ADGRB3: variants seen among roughly 807,000 people sequenced by gnomAD.
The protein encoded by ADGRB3 is brain-specific angiogenesis inhibitor 3.
Under a neutral mutation model 193.4 loss-of-function variants are expected in ADGRB3, and 37 were observed. The observed-to-expected ratio is 0.19, with a 90% confidence interval of 0.15 to 0.25. ADGRB3 has a LOEUF of 0.25. Among genes scored for constraint, ADGRB3 ranks in the 10% least tolerant of loss-of-function variants. The pLI is 1.00. For missense variants in ADGRB3, 1,637 were observed against 1,852.9 expected (o/e 0.88, Z 2.14); for synonymous variants, 690 against 644.2 (o/e 1.07, Z -1.08).
intron 22 of ADGRB3, among the ~76,000 whole-genome samples, chr6:69,328,304 T>C (rs571263607): frequency 6.6e-6 from 1 of 152,156 alleles, no homozygotes; most frequent in African/African-American, 2.4e-5. Flanking sequence ...GTTTTCTTGC[T>C]ATGTTAGGGT....
intron 20 of ADGRB3, among the ~76,000 whole-genome samples, chr6:69,258,941 A>G (rs927175076): frequency 6.6e-6 from 1 of 152,226 alleles, no homozygotes. Flanking sequence ...AGAAAGCTAG[A>G]TAAGAAATAG....
chr6:68,686,648 C>T (rs1286965662), intron 3 of ADGRB3, among the ~76,000 whole-genome samples: 1 of 152,124 alleles, frequency 6.6e-6, no homozygotes, highest in Admixed American at 6.5e-5. Context: ...TAAGCTGAAC[C>T]AACTGAGATA....
chr6:68,921,393 A>G (rs993947807), intron 3 of ADGRB3, among the ~76,000 whole-genome samples: 1 of 152,228 alleles, frequency 6.6e-6, no homozygotes, highest in Non-Finnish European at 1.5e-5. Flanking sequence ...TGAAAAGCAC[A>G]AATCAGAATG....
chr6:69,358,520 A>G (rs1040795373), intron 28 of ADGRB3, among the ~76,000 whole-genome samples: 4 of 151,662 alleles, frequency 2.6e-5, no homozygotes, highest in Non-Finnish European at 4.4e-5. Context: ...TAATGTTTTC[A>G]TTTGTTATTG....
intron 16 of ADGRB3, among the ~76,000 whole-genome samples, chr6:69,070,109 A>G (rs1772038368): frequency 6.6e-6 from 1 of 152,178 alleles, no homozygotes; most frequent in Admixed American, 6.5e-5. Flanking sequence ...TCAAATAATT[A>G]TGATGAAGTC....
At chr6:68,774,948 G>C (rs997273796) in intron 3 of ADGRB3, among the ~76,000 whole-genome samples, 5 of 152,030 alleles carry the variant, frequency 3.3e-5, no homozygotes, top group African/African-American at 1.2e-4. Flanking sequence ...GGTTTTGGAA[G>C]GAGGAGTTCT....
chr6:69,155,330 G>A lies in ADGRB3; in HGVS notation c.2481-77960G>A, dbSNP rs146736685. 2.6e-3 allele frequency among the ~76,000 whole-genome samples: 397 copies of A among 152,164 alleles called. 2 individuals carry two copies. Among genetic ancestry groups the A allele is most frequent in the African/African-American group, 9.1e-3 (379 of 41,506 alleles). On this transcript the variant is annotated intron_variant, in intron 17 of 31. Coordinates refer to ENST00000370598, the MANE Select transcript of ADGRB3 (RefSeq NM_001704.3). ...GATAAACATCTACATCTACATTTTG[G>A]TATAGGCCACCCAAAAGGTTTTGTG...
chr6:69,303,087 A>G (rs1477075784), intron 20 of ADGRB3, among the ~76,000 whole-genome samples: 1 of 151,990 alleles, frequency 6.6e-6, no homozygotes, highest in Non-Finnish European at 1.5e-5. Flanking sequence ...GACATTAGAC[A>G]ATAATTGATA....
chr6:68,824,691 T>C (rs1767810147), intron 3 of ADGRB3, among the ~76,000 whole-genome samples: 3 of 149,636 alleles, frequency 2.0e-5, no homozygotes, highest in African/African-American at 7.3e-5. Context: ...ACCACAGTCT[T>C]TGAAAATATT....
Position 68,639,158 on chromosome 6 carries a change from C to T in ADGRB3, c.483C>T (p.Val161=), listed in dbSNP as rs777329026. 7 of 1,613,956 alleles carry T rather than the reference C, an allele frequency of 4.3e-6. No homozygotes were observed. Among genetic ancestry groups the T allele is most frequent in the South Asian group, 1.1e-5 (1 of 91,082 alleles). The stretch of plus-strand genomic sequence containing the variant: ...TTGAGTTTTTGGTATTGAACAAGGT[C>T]AGCCCAAGCCAGTTTGGTTGCCATG... ...SFFEFLVLNK[V]SPSQFGCHVL... The change falls in exon 3 of 32, where the codon GTC becomes GTT. Residue 161 remains valine (V), a synonymous_variant. Coordinates refer to ENST00000370598, the MANE Select transcript of ADGRB3 (RefSeq NM_001704.3).
chr6:69,383,864 C>T (rs1770005411), intron 31 of ADGRB3, among the ~76,000 whole-genome samples: 1 of 151,928 alleles, frequency 6.6e-6, no homozygotes, highest in Non-Finnish European at 1.5e-5. Flanking sequence ...TCTTTCTTTG[C>T]CTCATACTCT....
intron 3 of ADGRB3, among the ~76,000 whole-genome samples, chr6:68,782,195 C>G (rs989664484): frequency 7.1e-6 from 1 of 141,610 alleles, no homozygotes; most frequent in African/African-American, 2.6e-5. Flanking sequence ...TTGTTCAATT[C>G]CCACCTATGA....
rs1299463014 is a variant in ADGRB3, at chr6:69,284,211, TTTTC to T, written c.2815-40657_2815-40654del. Among the ~76,000 whole-genome samples the T allele has an allele frequency of 5.3e-5, 8 of 152,244 alleles. No individual in the cohort carries two copies. In the East Asian group the frequency reaches 1.5e-3, roughly 29 times the overall value. ...CTGGCCTGAAGCAGAATCCTCAGAT[TTTTC>T]TTTGTTGCCCCTCATCCCCTTTTAC... On this transcript the variant is annotated intron_variant, in intron 20 of 31. Transcript: ENST00000370598.
chr6:68,819,732 G>A (rs574148676), intron 3 of ADGRB3, among the ~76,000 whole-genome samples: 54 of 152,018 alleles, frequency 3.6e-4, no homozygotes, highest in African/African-American at 1.3e-3. Context: ...GATAAAAATA[G>A]ATAAGAAATA....
chr6:68,772,878 CAAACAAAAAAAA>C lies in ADGRB3; in HGVS notation c.757+133450_757+133461del, dbSNP rs1309992187. ...AAAAACAAACAAACAAACAAACAAA[CAAACAAAAAAAA>C]AAAAATATATATATATATATATATA... On this transcript the variant is annotated intron_variant, in intron 3 of 31. Transcript: ENST00000370598. Among the ~76,000 whole-genome samples the C allele has an allele frequency of 5.7e-4, 9 of 15,700 alleles. No individual in the cohort carries two copies. The East Asian group carries it at 7.9e-3, about 14-fold the overall frequency. 10.3% of individuals were successfully genotyped at this position (15,700 alleles called of 152,430 possible). A position where few individuals can be genotyped will look rare whatever the true frequency, so the allele number is the denominator to read the frequency against.
rs185411721 is a variant in ADGRB3 at position 68,642,113 on chromosome 6, A to G, written c.757+2681A>G. 1.3e-3 allele frequency among the ~76,000 whole-genome samples: 194 copies of G among 152,270 alleles called. No individual in the cohort carries two copies. The Middle Eastern group carries it at 0.014, about 11-fold the overall frequency. Reference sequence around the variant, plus strand: ...GGTTGTCTCTTAAGTCAGCAGAGGAATAAATACAAGATTACTCTCCTTTGA... The same window carrying G: ...GGTTGTCTCTTAAGTCAGCAGAGGAGTAAATACAAGATTACTCTCCTTTGA... On this transcript the variant is annotated intron_variant, in intron 3 of 31. Transcript: ENST00000370598.
chr6:69,141,110 T>C (rs1397515063), intron 17 of ADGRB3, among the ~76,000 whole-genome samples: 1 of 121,316 alleles, frequency 8.2e-6, no homozygotes, highest in Non-Finnish European at 1.8e-5. Flanking sequence ...GGGGCAGGGA[T>C]ATTTCTTTCT....
intron 13 of ADGRB3, among the ~76,000 whole-genome samples, chr6:69,031,029 C>CTT (rs1770643912): frequency 2.3e-5 from 1 of 42,770 alleles, no homozygotes; most frequent in Non-Finnish European, 5.1e-5. Flanking sequence ...TTTTTTTCCT[C>CTT]TTCTCTTCTC....
chr6:69,380,527 G>C (rs1475195495), intron 30 of ADGRB3, among the ~76,000 whole-genome samples: 2 of 151,896 alleles, frequency 1.3e-5, no homozygotes, highest in Non-Finnish European at 1.5e-5. Context: ...GGGGATTCCA[G>C]CATAGAATTA....
Sources: allele counts gnomAD v4.1 joint callset (sites outside exome capture counted in the v4.1 genomes callset), GRCh38; gene constraint gnomAD v4.1.1; transcripts MANE v1.5; gene names NCBI Gene and HGNC (gene_info 2026-07-23, HGNC 2026-07-21).